STK32A: variants seen among roughly 807,000 people sequenced by gnomAD.
The protein encoded by STK32A is serine/threonine-protein kinase 32A.
In STK32A, 41 loss-of-function variants were observed where a neutral mutation model predicts 53.2. The observed-to-expected ratio is 0.77, with a 90% CI of 0.60 to 1.00. The LOEUF is 1.00. STK32A is among the 50% of genes least tolerant of loss of function. STK32A has a pLI of 0.00. For synonymous variants in STK32A, 166 were observed against 162.8 expected, an observed-to-expected ratio of 1.02 and a Z score of -0.15; for missense variants, 458 against 485.8, an observed-to-expected ratio of 0.94 and a Z score of 0.54.
chr5:147,394,151 G>A, the STK32A span: 134 of 1,434,344 alleles, frequency 9.3e-5, no homozygotes, highest in Admixed American at 3.1e-4. Flanking sequence ...TTCCCAGGGG[G>A]AAAAAAAAAA....
At chr5:147,264,233 G>A (rs1237136270) in intron 2 of STK32A, among the ~76,000 whole-genome samples, 1 of 152,220 alleles carries the variant, frequency 6.6e-6, no homozygotes, top group Middle Eastern at 3.2e-3. Context: ...GCATGCAAGA[G>A]CCAGGAATCT....
Position 147,361,530 on chromosome 5 carries a change from C to T in STK32A, c.576C>T (p.Phe192=). The change falls in exon 8 of 13, where the codon TTC becomes TTT. Residue 192 remains phenylalanine, a synonymous_variant. Transcript: ENST00000397936. ...CGTGTTTTTCAGCACCTGAGATGTTCAGCTCCAGAAAAGGAGCAGGCTATT... is the reference window on the plus strand; with the variant it reads ...CGTGTTTTTCAGCACCTGAGATGTTTAGCTCCAGAAAAGGAGCAGGCTATT... ...GTKPYMAPEM[F]SSRKGAGYSF... 6.2e-7 allele frequency: 1 copy of T among 1,612,426 alleles called. No homozygotes were observed. Among genetic ancestry groups the T allele is most frequent in the South Asian group, 1.1e-5 (1 of 90,608 alleles).
At chr5:147,395,591 C>T in the STK32A span, 2 of 1,613,738 alleles carry the variant, frequency 1.2e-6, no homozygotes, top group Non-Finnish European at 1.7e-6. Context: ...ATGAAGATTC[C>T]TCACAGGTGG....
At chr5:147,335,131 T>C (rs1755054466) in intron 5 of STK32A, among the ~76,000 whole-genome samples, 1 of 152,162 alleles carries the variant, frequency 6.6e-6, no homozygotes. Flanking sequence ...CAGTTGACTG[T>C]GGGTAAAAAG....
At chr5:147,269,428 C>T (rs533569019) in intron 2 of STK32A, among the ~76,000 whole-genome samples, 3 of 152,258 alleles carry the variant, frequency 2.0e-5, no homozygotes, top group African/African-American at 7.2e-5. Flanking sequence ...GGACTTTCAG[C>T]TATACTGAGA....
the STK32A span, chr5:147,400,899 T>A: frequency 6.4e-7 from 1 of 1,570,628 alleles, no homozygotes; most frequent in Admixed American, 1.8e-5. Flanking sequence ...GAGCTTAGAG[T>A]CTTGTGTTTA....
chr5:147,259,707 G>A (rs1351532048), intron 2 of STK32A, among the ~76,000 whole-genome samples: 1 of 151,884 alleles, frequency 6.6e-6, no homozygotes, highest in Non-Finnish European at 1.5e-5. Context: ...TTCCCTCTCT[G>A]ACTTTCTGTC....
chr5:147,263,230 G>T (rs1368595985), intron 2 of STK32A, among the ~76,000 whole-genome samples: 2 of 152,152 alleles, frequency 1.3e-5, no homozygotes, highest in South Asian at 4.1e-4. Context: ...TGGAGATTTT[G>T]ACCAATCCAA....
At chr5:147,380,112 G>A (rs1025386043) in intron 11 of STK32A, among the ~76,000 whole-genome samples, 2 of 151,950 alleles carry the variant, frequency 1.3e-5, no homozygotes, top group South Asian at 2.1e-4. Context: ...TAGTTACATA[G>A]TAGAGGGAAA....
Position 147,378,307 on chromosome 5 carries a change from G to C in STK32A, c.1032+3089G>C, listed in dbSNP as rs999076517. Reference sequence around the variant, plus strand: ...TGAGCAGAGGTAGGTGAGCATACAGGAAAGGACAAGAGCATTTCAAGGCTG... The same window carrying C: ...TGAGCAGAGGTAGGTGAGCATACAGCAAAGGACAAGAGCATTTCAAGGCTG... On this transcript the variant is annotated intron_variant, in intron 11 of 12. Coordinates refer to ENST00000397936, the MANE Select transcript of STK32A (RefSeq NM_001112724.2). 2.0e-5 allele frequency among the ~76,000 whole-genome samples: 3 copies of C among 152,208 alleles called. No individual in the cohort carries two copies. In the East Asian group the frequency reaches 5.8e-4, roughly 29 times the overall value.
At chr5:147,377,660 G>T (rs1339729711) in intron 11 of STK32A, among the ~76,000 whole-genome samples, 2 of 152,086 alleles carry the variant, frequency 1.3e-5, no homozygotes, top group Non-Finnish European at 2.9e-5. Context: ...CTGCTTTGTT[G>T]TGTCATCACT....
At chr5:147,390,437 G>T (rs1757768119), downstream of STK32A, among the ~76,000 whole-genome samples, 1 of 144,244 alleles carries the variant, frequency 6.9e-6, no homozygotes, top group Non-Finnish European at 1.5e-5. Context: ...AGCAGAAAAT[G>T]CTTCCAAAAC....
At chr5:147,321,153 T>C (rs182624981) in intron 4 of STK32A, among the ~76,000 whole-genome samples, 199 of 152,348 alleles carry the variant, frequency 1.3e-3, no homozygotes, top group Non-Finnish European at 2.5e-3. Context: ...ACCAGACTTG[T>C]TAATTTTGGA....
intron 4 of STK32A, among the ~76,000 whole-genome samples, chr5:147,281,705 C>G (rs1752073281): frequency 6.6e-6 from 1 of 152,050 alleles, no homozygotes; most frequent in African/African-American, 2.4e-5. Context: ...TTGAGGAAAA[C>G]TTCCCCGGCC....
chr5:147,301,951 T>A (rs886268442), intron 4 of STK32A, among the ~76,000 whole-genome samples: 24 of 152,196 alleles, frequency 1.6e-4, no homozygotes, highest in Admixed American at 1.3e-4. Flanking sequence ...TCTCTCTGAC[T>A]CTGACTTCAT....
chr5:147,328,972 A>C (rs1457219302), intron 5 of STK32A, among the ~76,000 whole-genome samples: 2 of 152,146 alleles, frequency 1.3e-5, no homozygotes, highest in African/African-American at 4.8e-5. Flanking sequence ...TTTCCCTCTG[A>C]GAATTACCCC....
chr5:147,347,286 G>T (rs1426026395), intron 6 of STK32A, among the ~76,000 whole-genome samples: 1 of 150,936 alleles, frequency 6.6e-6, no homozygotes, highest in African/African-American at 2.4e-5. Flanking sequence ...AATGAATTCA[G>T]ATTTTTTATA....
At chr5:147,292,586 T>C (rs1752649702) in intron 4 of STK32A, among the ~76,000 whole-genome samples, 1 of 152,210 alleles carries the variant, frequency 6.6e-6, no homozygotes, top group Non-Finnish European at 1.5e-5. Context: ...ATTTCAGTCC[T>C]GGCCAGGTGC....
chr5:147,294,004 T>C (rs894202406), intron 4 of STK32A, among the ~76,000 whole-genome samples: 3 of 152,176 alleles, frequency 2.0e-5, no homozygotes, highest in African/African-American at 7.2e-5. Context: ...CTGCAGAAGA[T>C]AAGATTTTCA....
Sources: allele counts gnomAD v4.1 joint callset (sites outside exome capture counted in the v4.1 genomes callset), GRCh38; gene constraint gnomAD v4.1.1; transcripts MANE v1.5; gene names NCBI Gene and HGNC (gene_info 2026-07-23, HGNC 2026-07-21).